Variants in MAPRE2 observed in about 807,000 individuals in gnomAD.
MAPRE2 encodes microtubule-associated protein RP/EB family member 2.
A neutral mutation model predicts 43.2 loss-of-function variants in MAPRE2; 13 were observed. The ratio of observed to expected loss-of-function variants is 0.30; its 90% CI spans 0.20 to 0.48. MAPRE2 has a LOEUF of 0.48. MAPRE2 is among the 20% of genes least tolerant of loss of function. The pLI, the probability that MAPRE2 is intolerant of heterozygous loss-of-function variation, is 0.99. For synonymous variants in MAPRE2, 135 were observed against 148.8 expected (o/e 0.91, Z 0.68); for missense variants, 161 against 400.2 (o/e 0.40, Z 5.10).
intron 1 of MAPRE2, among the ~76,000 whole-genome samples, chr18:34,982,584 A>G (rs1316846433): frequency 1.3e-5 from 2 of 152,230 alleles, no homozygotes; most frequent in Non-Finnish European, 2.9e-5. Flanking sequence ...AAATCTCTTA[A>G]TTTCACAAAA....
intron 2 of MAPRE2, among the ~76,000 whole-genome samples, chr18:35,087,378 G>A (rs1263649298): frequency 6.6e-6 from 1 of 152,154 alleles, no homozygotes; most frequent in African/African-American, 2.4e-5. Flanking sequence ...AGTAGGCACA[G>A]CATCCTACAA....
rs370222656 is a variant in MAPRE2, at chr18:35,063,991, C to T, written c.123-6204C>T. Among the ~76,000 whole-genome samples, 84 of 83,932 alleles carry T rather than the reference C, an allele frequency of 1.0e-3. 2 individuals carry two copies. The highest frequency in any genetic ancestry group is 3.2e-3 in the African/African-American group (78 of 24,546). The allele number at this position is 83,932 out of a possible 152,430, so 55.1% of individuals were successfully genotyped here. A position where few individuals can be genotyped will look rare whatever the true frequency, so the allele number is the denominator to read the frequency against. On this transcript the variant is annotated intron_variant, in intron 1 of 6. Coordinates refer to ENST00000300249, the MANE Select transcript of MAPRE2 (RefSeq NM_014268.4). ...CCAGCCTGGACTGCCGAGTGAGACC[C>T]TGTCTCTTTAAAAAAAAAAAAAAAA...
At chr18:35,025,338 A>C (rs906666876) in intron 2 of MAPRE2, among the ~76,000 whole-genome samples, 2 of 152,260 alleles carry the variant, frequency 1.3e-5, no homozygotes, top group Non-Finnish European at 2.9e-5. Flanking sequence ...GGAGCTTGTC[A>C]TCCAGCCTCA....
intron 4 of MAPRE2, among the ~76,000 whole-genome samples, chr18:35,115,882 C>A (rs771930209): frequency 1.3e-5 from 2 of 152,172 alleles, no homozygotes; most frequent in African/African-American, 2.4e-5. Flanking sequence ...ATGTTTCTTA[C>A]CAGTTCCTAC....
chr18:35,053,586 C>G (rs755572639), intron 1 of MAPRE2, among the ~76,000 whole-genome samples: 1 of 151,758 alleles, frequency 6.6e-6, no homozygotes, highest in Non-Finnish European at 1.5e-5. Flanking sequence ...GAGAAGAACC[C>G]TATAATTAAG....
intron 4 of MAPRE2, among the ~76,000 whole-genome samples, chr18:35,123,179 C>A (rs748299668): frequency 2.0e-5 from 3 of 152,184 alleles, no homozygotes; most frequent in African/African-American, 7.2e-5. Flanking sequence ...ATGACCCCTT[C>A]TACATCTTAT....
At chr18:34,978,026 G>A (rs1347219249) in intron 1 of MAPRE2, among the ~76,000 whole-genome samples, 5 of 152,186 alleles carry the variant, frequency 3.3e-5, no homozygotes, top group Non-Finnish European at 7.3e-5. Flanking sequence ...GAGAAGGGGC[G>A]CTGCAGCCAT....
chr18:34,979,488 A>G (rs900851129), intron 1 of MAPRE2, among the ~76,000 whole-genome samples: 18 of 151,914 alleles, frequency 1.2e-4, no homozygotes, highest in African/African-American at 2.7e-4. Context: ...GTAGCACACC[A>G]TTCTGCCTGT....
chr18:34,977,757 C>A (rs574587361), intron 1 of MAPRE2, among the ~76,000 whole-genome samples: 1 of 152,202 alleles, frequency 6.6e-6, no homozygotes, highest in Non-Finnish European at 1.5e-5. Flanking sequence ...CTGCAGGGAG[C>A]CCCGGGAGCG....
At chr18:35,084,891 G>A (rs555162609) in intron 2 of MAPRE2, among the ~76,000 whole-genome samples, 1 of 152,238 alleles carries the variant, frequency 6.6e-6, no homozygotes, top group Admixed American at 6.5e-5. Flanking sequence ...CTTTATTTTG[G>A]CATTTGTGGC....
At chr18:35,095,771 A>G (rs912087575) in intron 2 of MAPRE2, among the ~76,000 whole-genome samples, 2 of 152,150 alleles carry the variant, frequency 1.3e-5, no homozygotes, top group African/African-American at 4.8e-5. Flanking sequence ...TTCAAAAGAA[A>G]GAACTGGATA....
chr18:35,000,225 T>C (rs1321146190), intron 1 of MAPRE2, among the ~76,000 whole-genome samples: 1 of 152,126 alleles, frequency 6.6e-6, no homozygotes, highest in Non-Finnish European at 1.5e-5. Context: ...GCCCCAGTAG[T>C]GTTCTCTTCT....
intron 4 of MAPRE2, among the ~76,000 whole-genome samples, chr18:35,125,540 A>AATT (rs1909869012): frequency 6.6e-6 from 1 of 152,188 alleles, no homozygotes; most frequent in South Asian, 2.1e-4. Flanking sequence ...GGGGTTGGGG[A>AATT]ATTAGGCCAG....
At chr18:35,070,124 C>A in intron 1 of MAPRE2, 71 bp from the exon 2 acceptor site, 1 of 1,407,802 alleles carries the variant, frequency 7.1e-7, no homozygotes. Flanking sequence ...AGGATCTTGA[C>A]CTCGAATAGG....
rs529219304 is a variant in MAPRE2 at position 35,096,863 on chromosome 18, A to G, written c.251-583A>G. Among the ~76,000 whole-genome samples the G allele has an allele frequency of 1.3e-3, 199 of 151,424 alleles. 1 individual carries two copies. Among genetic ancestry groups the G allele is most frequent in the African/African-American group, 4.2e-3 (173 of 40,766 alleles). ...AGTAATACTTAATACTTAAATTGGT[A>G]TTAATTGACTTGTAGTTTTCACCTG... On this transcript the variant is annotated intron_variant, in intron 2 of 6. Transcript: ENST00000300249.
At chr18:34,982,660 T>C (rs2097017031) in intron 1 of MAPRE2, among the ~76,000 whole-genome samples, 1 of 152,240 alleles carries the variant, frequency 6.6e-6, no homozygotes, top group Non-Finnish European at 1.5e-5. Flanking sequence ...CAGAGCTTTA[T>C]AGAATAGAAT....
intron 6 of MAPRE2, among the ~76,000 whole-genome samples, chr18:35,136,868 ATCAC>A (rs1194069303): frequency 6.6e-6 from 1 of 152,246 alleles, no homozygotes; most frequent in Non-Finnish European, 1.5e-5. Context: ...TTTTCTTACA[ATCAC>A]TCACAGCTCA....
intron 2 of MAPRE2, among the ~76,000 whole-genome samples, chr18:35,019,482 A>C (rs1390986857): frequency 1.3e-5 from 2 of 152,018 alleles, no homozygotes; most frequent in Non-Finnish European, 2.9e-5. Context: ...TGATCTATCT[A>C]ATGCTGTCAG....
intron 2 of MAPRE2, among the ~76,000 whole-genome samples, chr18:35,033,750 A>G (rs1023960123): frequency 6.6e-6 from 1 of 151,252 alleles, no homozygotes; most frequent in Admixed American, 6.6e-5. Context: ...TTATGAGTGA[A>G]CTCCCATTCA....
Sources: allele counts gnomAD v4.1 joint callset (sites outside exome capture counted in the v4.1 genomes callset), GRCh38; gene constraint gnomAD v4.1.1; transcripts MANE v1.5; gene names NCBI Gene and HGNC (gene_info 2026-07-23, HGNC 2026-07-21).